Variants in SPATA6 observed in about 807,000 individuals in gnomAD.
SPATA6 encodes spermatogenesis associated 6, also known as spermatogenesis-associated protein 6.
Under a neutral mutation model 65.3 loss-of-function variants are expected in SPATA6, and 56 were observed. The observed-to-expected ratio is 0.86, with a 90% CI of 0.69 to 1.07. The LOEUF (loss-of-function observed/expected upper bound fraction) is 1.07, where lower values mean the gene tolerates loss of function less well. Among genes scored for constraint, SPATA6 ranks in the 50% least tolerant of loss-of-function variants. The pLI is 0.00. For synonymous variants in SPATA6, 199 were observed against 213.2 expected (o/e 0.93, Z 0.58); for missense variants, 590 against 594.8 (o/e 0.99, Z 0.08).
At chr1:48,375,535 T>A (rs1348682980) in intron 9 of SPATA6, among the ~76,000 whole-genome samples, 4 of 152,172 alleles carry the variant, frequency 2.6e-5, no homozygotes, top group South Asian at 2.1e-4. Flanking sequence ...TATTTTTTTT[T>A]AATTGTTTTC....
At chr1:48,416,724 A>G (rs866162476) in intron 3 of SPATA6, among the ~76,000 whole-genome samples, 1 of 152,222 alleles carries the variant, frequency 6.6e-6, no homozygotes, top group African/African-American at 2.4e-5. Context: ...AAGCAAAGAA[A>G]AACGACAGGC....
At chr1:48,436,356 C>T in intron 3 of SPATA6, 1 of 1,612,222 alleles carries the variant, frequency 6.2e-7, no homozygotes, top group Non-Finnish European at 8.5e-7. Context: ...CTGTTGGCAG[C>T]TGGCTTTGGG....
At chr1:48,443,115 C>T (rs1655678876) in intron 3 of SPATA6, among the ~76,000 whole-genome samples, 1 of 152,192 alleles carries the variant, frequency 6.6e-6, no homozygotes, top group Non-Finnish European at 1.5e-5. Flanking sequence ...CTCCAACGTG[C>T]CACTTGTTGG....
intron 6 of SPATA6, 91 bp downstream of exon 6, chr1:48,403,711 G>T: frequency 9.8e-7 from 1 of 1,015,496 alleles, no homozygotes; most frequent in Non-Finnish European, 1.4e-6. Flanking sequence ...AGTGAAAAGA[G>T]CTGCAGCCAA....
At chr1:48,368,284 C>G (rs1032882808) in intron 9 of SPATA6, among the ~76,000 whole-genome samples, 2 of 152,088 alleles carry the variant, frequency 1.3e-5, no homozygotes, top group African/African-American at 2.4e-5. Context: ...TGGAGTTGCT[C>G]TTCTCGAGGA....
chr1:48,275,509 G>A, the SPATA6 span, among the ~76,000 whole-genome samples: 453 of 152,138 alleles, frequency 3.0e-3, 1 homozygote, highest in African/African-American at 8.5e-3. Context: ...TTTGAGATAC[G>A]TCCCATCAAT....
At chr1:48,342,166 C>T (rs1258009244) in intron 11 of SPATA6, among the ~76,000 whole-genome samples, 3 of 152,128 alleles carry the variant, frequency 2.0e-5, no homozygotes, top group Non-Finnish European at 4.4e-5. Flanking sequence ...CTCACCTCTG[C>T]TGTTGTAGTT....
chr1:48,316,321 G>T (rs1253399880), intron 11 of SPATA6, among the ~76,000 whole-genome samples: 1 of 152,110 alleles, frequency 6.6e-6, no homozygotes, highest in Non-Finnish European at 1.5e-5. Context: ...CATGGTACTG[G>T]TACCAAAACA....
chr1:48,384,010 G>A (rs1345375706), intron 9 of SPATA6, among the ~76,000 whole-genome samples: 3 of 151,322 alleles, frequency 2.0e-5, no homozygotes, highest in Admixed American at 6.6e-5. Flanking sequence ...GTTGCAGCGA[G>A]CGGAGATCAC....
At chr1:48,281,915 A>G in the SPATA6 span, among the ~76,000 whole-genome samples, 1 of 152,134 alleles carries the variant, frequency 6.6e-6, no homozygotes, top group Non-Finnish European at 1.5e-5. Context: ...GAGGCATCAC[A>G]CTACCTGACT....
chr1:48,461,249 G>A (rs1383240080), intron 1 of SPATA6, among the ~76,000 whole-genome samples: 3 of 152,116 alleles, frequency 2.0e-5, no homozygotes, highest in African/African-American at 7.2e-5. Flanking sequence ...CCCTTTGTCA[G>A]ATGAGTAGGT....
chr1:48,317,186 C>A (rs963407319), intron 11 of SPATA6, among the ~76,000 whole-genome samples: 3 of 152,052 alleles, frequency 2.0e-5, no homozygotes, highest in African/African-American at 7.2e-5. Context: ...GGGTATATAC[C>A]CAAAGGATTA....
At chr1:48,303,044 A>G (rs954702132) in intron 12 of SPATA6, among the ~76,000 whole-genome samples, 3 of 152,028 alleles carry the variant, frequency 2.0e-5, no homozygotes, top group African/African-American at 7.2e-5. Flanking sequence ...TGTGCCATGG[A>G]GCTGGGGAGT....
the SPATA6 span, among the ~76,000 whole-genome samples, chr1:48,285,622 G>C: frequency 1.3e-5 from 2 of 152,054 alleles, no homozygotes; most frequent in African/African-American, 4.8e-5. Flanking sequence ...CATAGTAAAA[G>C]AATAGTATCT....
At chr1:48,413,336 C>T (rs1652447307) in intron 3 of SPATA6, among the ~76,000 whole-genome samples, 185 bp from the exon 4 acceptor site, 1 of 150,606 alleles carries the variant, frequency 6.6e-6, no homozygotes, top group Non-Finnish European at 1.5e-5. Flanking sequence ...TGTCGCCAGG[C>T]TGGAGTGCAG....
At chr1:48,326,682 T>C (rs1645771749) in intron 11 of SPATA6, among the ~76,000 whole-genome samples, 2 of 152,102 alleles carry the variant, frequency 1.3e-5, no homozygotes, top group South Asian at 4.1e-4. Context: ...ATCAATGGAA[T>C]AGAATAGATA....
chr1:48,279,482 G>T, the SPATA6 span, among the ~76,000 whole-genome samples: 1 of 152,136 alleles, frequency 6.6e-6, no homozygotes, highest in African/African-American at 2.4e-5. Flanking sequence ...AAAGGATGGA[G>T]GAAGATCTAC....
chr1:48,412,645 G>T (rs1159668129), intron 4 of SPATA6, among the ~76,000 whole-genome samples: 2 of 152,062 alleles, frequency 1.3e-5, no homozygotes, highest in African/African-American at 2.4e-5. Context: ...TTGAGACGGA[G>T]TCTCGCTCTG....
rs538387563 is a variant in SPATA6 at position 48,367,295 on chromosome 1, G to T, written c.910-7525C>A. The stretch of plus-strand genomic sequence containing the variant: ...CTGTTGATTTGGGGTGGAGAGTTCT[G>T]TAGATGTCTATTAGGTCTGCTTGGT... On this transcript the variant is annotated intron_variant, in intron 9 of 12. Transcript: ENST00000371847. 9.8e-5 allele frequency among the ~76,000 whole-genome samples: 15 copies of T among 152,294 alleles called. 1 individual carries two copies. Among genetic ancestry groups the T allele is most frequent in the East Asian group, 5.8e-4 (3 of 5,176 alleles).
Sources: gnomAD v4.1 joint callset for allele counts (sites outside exome capture counted in the v4.1 genomes callset) on GRCh38, gnomAD v4.1.1 for gene constraint, MANE v1.5 for transcripts, NCBI Gene and HGNC (gene_info 2026-07-23, HGNC 2026-07-21) for gene names.